Variants in CNTNAP2 observed in about 807,000 individuals in gnomAD.
CNTNAP2 encodes contactin associated protein 2, also known as contactin-associated protein-like 2.
In CNTNAP2, 98 loss-of-function variants were observed where a neutral mutation model predicts 155.2. That is an observed-to-expected ratio of 0.63 (90% CI 0.54 to 0.75). The LOEUF (loss-of-function observed/expected upper bound fraction) is 0.75, where lower values mean the gene tolerates loss of function less well. CNTNAP2 is among the 30% of genes least tolerant of loss of function. CNTNAP2 has a pLI of 0.00. For missense variants in CNTNAP2, 1,727 were observed against 1,688.1 expected (o/e 1.02, Z -0.40); for synonymous variants, 651 against 631.2 (o/e 1.03, Z -0.47).
intron 21 of CNTNAP2, among the ~76,000 whole-genome samples, chr7:148,286,819 T>G (rs1797092355): frequency 6.6e-6 from 1 of 152,182 alleles, no homozygotes; most frequent in Non-Finnish European, 1.5e-5. Flanking sequence ...CACAGAAAAA[T>G]GGAGCAAAAA....
intron 1 of CNTNAP2, among the ~76,000 whole-genome samples, chr7:146,232,444 T>C (rs984330275): frequency 6.6e-6 from 1 of 152,128 alleles, no homozygotes; most frequent in Admixed American, 6.5e-5. Context: ...GAAATGTGTG[T>C]AGTTCAAATA....
At chr7:147,552,574 ACAC>A (rs1562993472) in intron 11 of CNTNAP2, among the ~76,000 whole-genome samples, 743 of 70,308 alleles carry the variant, frequency 0.011, 7 homozygotes, top group African/African-American at 0.027. Flanking sequence ...TTTCCTCAAC[ACAC>A]ACACACACAC....
chr7:146,575,308 G>A (rs1798507990), intron 1 of CNTNAP2, among the ~76,000 whole-genome samples: 1 of 152,034 alleles, frequency 6.6e-6, no homozygotes, highest in African/African-American at 2.4e-5. Context: ...GTAGAGACAG[G>A]GTTTCATCAT....
intron 14 of CNTNAP2, among the ~76,000 whole-genome samples, chr7:147,923,899 G>A (rs532465592): frequency 7.2e-5 from 11 of 152,252 alleles, no homozygotes; most frequent in Middle Eastern, 3.4e-3. Context: ...CTCCAGAACT[G>A]TGAGAAAATA....
At chr7:147,721,993 C>G (rs140175931) in intron 13 of CNTNAP2, among the ~76,000 whole-genome samples, 2,503 of 152,262 alleles carry the variant, frequency 0.016, 224 homozygotes, top group Admixed American at 0.15. Flanking sequence ...CCCTTCTGAT[C>G]AGCAAGTCTG....
intron 9 of CNTNAP2, among the ~76,000 whole-genome samples, chr7:147,334,365 T>C (rs903686817): frequency 6.6e-6 from 1 of 152,186 alleles, no homozygotes; most frequent in African/African-American, 2.4e-5. Flanking sequence ...GTGAAATTAT[T>C]GGAAAAATAA....
intron 15 of CNTNAP2, among the ~76,000 whole-genome samples, chr7:148,008,012 C>T (rs79142447): frequency 4.6e-5 from 7 of 152,044 alleles, no homozygotes; most frequent in African/African-American, 1.4e-4. Context: ...TCTATAAATG[C>T]GGAGATTTTC....
intron 8 of CNTNAP2, among the ~76,000 whole-genome samples, chr7:147,229,562 A>C (rs35804497): frequency 0.016 from 2,451 of 152,346 alleles, 25 homozygotes; most frequent in South Asian, 0.044. Flanking sequence ...ACAGGTTTCA[A>C]ATAAACTTGA....
intron 13 of CNTNAP2, among the ~76,000 whole-genome samples, chr7:147,763,514 A>G (rs1278483904): frequency 2.0e-5 from 3 of 151,972 alleles, no homozygotes; most frequent in Non-Finnish European, 4.4e-5. Context: ...AGAAGCAGCT[A>G]AAAGAAGACT....
intron 14 of CNTNAP2, among the ~76,000 whole-genome samples, chr7:147,929,874 C>T (rs1188960874): frequency 6.6e-6 from 1 of 152,186 alleles, no homozygotes; most frequent in Non-Finnish European, 1.5e-5. Flanking sequence ...CACCTCAGAT[C>T]ATCAGGCATT....
chr7:148,129,301 T>G lies in CNTNAP2; in HGVS notation c.2554+11013T>G, dbSNP rs550462822. On this transcript the variant is annotated intron_variant, in intron 16 of 23. Transcript: ENST00000361727. Reference sequence around the variant, plus strand: ...GCAGGATTTCCTCAAAGACATTACATTGTACATACATGACGGTATGTCCTG... The same window carrying G: ...GCAGGATTTCCTCAAAGACATTACAGTGTACATACATGACGGTATGTCCTG... Among the ~76,000 whole-genome samples the G allele has an allele frequency of 2.6e-5, 4 of 152,336 alleles. No homozygotes were observed. The South Asian group carries it at 8.3e-4, about 32-fold the overall frequency.
chr7:147,604,579 C>T (rs1383528653), intron 12 of CNTNAP2, among the ~76,000 whole-genome samples: 2 of 152,292 alleles, frequency 1.3e-5, no homozygotes, highest in South Asian at 4.1e-4. Flanking sequence ...TCTGCCCCAC[C>T]CACTTTGCTT....
At chr7:147,852,829 T>C (rs965359583) in intron 13 of CNTNAP2, among the ~76,000 whole-genome samples, 1 of 152,234 alleles carries the variant, frequency 6.6e-6, no homozygotes, top group Non-Finnish European at 1.5e-5. Context: ...GATCCTCTGC[T>C]GGTTGAAACC....
intron 3 of CNTNAP2, among the ~76,000 whole-genome samples, chr7:146,870,078 C>T (rs774746722): frequency 6.6e-6 from 1 of 152,066 alleles, no homozygotes; most frequent in South Asian, 2.1e-4. Context: ...GTTTTGGTAT[C>T]AAGATGCTGG....
chr7:147,677,299 T>G (rs1654486325), intron 13 of CNTNAP2, among the ~76,000 whole-genome samples: 1 of 151,942 alleles, frequency 6.6e-6, no homozygotes. Flanking sequence ...GACCATTTTG[T>G]ATATCTTGTT....
chr7:148,181,158 C>T (rs1403104024), intron 18 of CNTNAP2, among the ~76,000 whole-genome samples: 1 of 152,158 alleles, frequency 6.6e-6, no homozygotes, highest in African/African-American at 2.4e-5. Context: ...CGGAGCCACA[C>T]CACTGGTACC....
At chr7:147,440,071 A>C (rs2116545691) in intron 10 of CNTNAP2, among the ~76,000 whole-genome samples, 1 of 152,074 alleles carries the variant, frequency 6.6e-6, no homozygotes, top group East Asian at 1.9e-4. Context: ...CAATGTTATT[A>C]TTGGTAAGTA....
chr7:146,722,032 T>A (rs2129177704), intron 1 of CNTNAP2, among the ~76,000 whole-genome samples: 1 of 150,010 alleles, frequency 6.7e-6, no homozygotes. Context: ...GGATTACAGG[T>A]GCCGGCTACC....
chr7:147,655,343 G>A (rs769942326), intron 13 of CNTNAP2, among the ~76,000 whole-genome samples: 98 of 148,824 alleles, frequency 6.6e-4, no homozygotes, highest in Non-Finnish European at 1.1e-3. Context: ...TGCTGGTCTC[G>A]AACTCCTGAC....
Sources: allele counts gnomAD v4.1 joint callset (sites outside exome capture counted in the v4.1 genomes callset), GRCh38; gene constraint gnomAD v4.1.1; transcripts MANE v1.5; gene names NCBI Gene and HGNC (gene_info 2026-07-23, HGNC 2026-07-21).